Variants in APAF1 observed in about 807,000 individuals in gnomAD.
APAF1 encodes the protein apoptotic protease-activating factor 1.
In APAF1, 91 loss-of-function variants were observed where a neutral mutation model predicts 152.4. The observed-to-expected ratio is 0.60, with a 90% CI of 0.50 to 0.71. The LOEUF (loss-of-function observed/expected upper bound fraction) is 0.71, where lower values mean the gene tolerates loss of function less well. Ranked by LOEUF, APAF1 falls within the 30% of genes least tolerant of loss-of-function variation. The probability of loss-of-function intolerance (pLI) is 0.00; values close to 1 mark genes in which losing one functional copy is unlikely to be tolerated. For synonymous variants in APAF1, 484 were observed against 494.1 expected (o/e 0.98, Z 0.27); for missense variants, 1,283 against 1,472.0 (o/e 0.87, Z 2.10).
At chr12:98,676,707 C>T (rs572989063) in intron 12 of APAF1, among the ~76,000 whole-genome samples, 10 of 143,128 alleles carry the variant, frequency 7.0e-5, no homozygotes, top group South Asian at 4.6e-4. Context: ...AGTGCAGTGG[C>T]GCGATCTTGG....
rs1296433371 is a variant in APAF1, at chr12:98,648,304, G to A, written c.-41-15G>A. 2 of 1,595,978 alleles carry A rather than the reference G, an allele frequency of 1.3e-6. No individual in the cohort carries two copies. The highest frequency in any genetic ancestry group is 1.7e-6 in the Non-Finnish European group (2 of 1,164,306). On this transcript the variant is annotated splice_polypyrimidine_tract_variant and intron_variant, in intron 1 of 26. Transcript: ENST00000551964. ...TTTTATTGGCCTGACAAATATTTTG[G>A]TGTTTTGGCTGTAGCTCATGGTTGA... is the stretch of plus-strand genomic sequence containing the variant.
chr12:98,722,436 A>G (rs950984987), intron 22 of APAF1, among the ~76,000 whole-genome samples: 1 of 152,212 alleles, frequency 6.6e-6, no homozygotes, highest in East Asian at 1.9e-4. Flanking sequence ...CATTTATTAA[A>G]TAAGTTAATT....
intron 16 of APAF1, among the ~76,000 whole-genome samples, 155 bp downstream of exon 16, chr12:98,687,028 C>G (rs143989803): frequency 6.6e-6 from 1 of 152,158 alleles, no homozygotes; most frequent in Non-Finnish European, 1.5e-5. Context: ...AATTGCTTAT[C>G]GTAATGATTG....
intron 10 of APAF1, among the ~76,000 whole-genome samples, chr12:98,668,079 T>C (rs73374774): frequency 0.021 from 3,265 of 152,248 alleles, 119 homozygotes; most frequent in African/African-American, 0.075. Flanking sequence ...CCACCGCGGC[T>C]GGCTGAAGAT....
At chr12:98,675,843 T>C (rs1373552982) in intron 12 of APAF1, among the ~76,000 whole-genome samples, 1 of 152,264 alleles carries the variant, frequency 6.6e-6, no homozygotes, top group Non-Finnish European at 1.5e-5. Flanking sequence ...AGGATCTAAA[T>C]ATGATTTACC....
chr12:98,665,266 ATATATATATATAT>A (rs2097670780), intron 7 of APAF1, among the ~76,000 whole-genome samples: 1 of 100,534 alleles, frequency 9.9e-6, no homozygotes, highest in Non-Finnish European at 2.1e-5. Context: ...ATATATATAT[ATATATATATATAT>A]TTTTTTTTTT....
At chr12:98,647,636 C>T (rs527879137) in intron 1 of APAF1, among the ~76,000 whole-genome samples, 2 of 151,480 alleles carry the variant, frequency 1.3e-5, no homozygotes, top group South Asian at 4.2e-4. Flanking sequence ...TCCCAAAGTG[C>T]TGGGATTACA....
rs777017529 is a variant in APAF1, at chr12:98,665,710, T to C, written c.1113T>C (p.Ser371=). ...YEALDEAMSI[S]VEMLREDIKD... ...CTCTAGATGAAGCCATGTCTATAAG[T>C]GTTGAAATGCTCAGAGAAGACATCA... is the stretch of plus-strand genomic sequence containing the variant. Residue 371 remains serine (S), a synonymous_variant, in exon 8 of 27, where the codon AGT becomes AGC. Transcript: ENST00000551964. 5.0e-6 allele frequency: 8 copies of C among 1,614,088 alleles called. No homozygotes were observed. Among genetic ancestry groups the C allele is most frequent in the Non-Finnish European group, 3.4e-6 (4 of 1,179,996 alleles).
chr12:98,726,479 G>A (rs2097750778), intron 25 of APAF1: 1 of 152,928 alleles, frequency 6.5e-6, no homozygotes, highest in South Asian at 2.1e-4. Flanking sequence ...CAGAAGACTA[G>A]GAGAGTATAC....
At chr12:98,672,513 T>C (rs1321071462) in intron 12 of APAF1, among the ~76,000 whole-genome samples, 3 of 151,736 alleles carry the variant, frequency 2.0e-5, no homozygotes, top group African/African-American at 7.3e-5. Context: ...ATTTGCACTT[T>C]CCTTTGCACA....
At chr12:98,713,605 A>G (rs1565889717) in intron 21 of APAF1, among the ~76,000 whole-genome samples, 2 of 152,264 alleles carry the variant, frequency 1.3e-5, no homozygotes, top group African/African-American at 4.8e-5. Context: ...CATTTTGGGT[A>G]AAAATATTGT....
At chr12:98,665,844 A>G in intron 8 of APAF1, 53 bp downstream of exon 8, 2 of 1,406,886 alleles carry the variant, frequency 1.4e-6, no homozygotes, top group South Asian at 2.3e-5. Context: ...GTAAGCTTTG[A>G]TATAGTACTG....
In APAF1 at chr12:98,665,725, A is replaced by G; in HGVS notation, c.1128A>G (p.Arg376=). ...TGTCTATAAGTGTTGAAATGCTCAG[A>G]GAAGACATCAAAGATTATTACACAG... The part of the protein sequence containing the change: ...EAMSISVEML[R]EDIKDYYTDL... Residue 376 remains arginine, a synonymous_variant, in exon 8 of 27, where the codon AGA becomes AGG. Transcript: ENST00000551964. The G allele has an allele frequency of 6.2e-7, 1 of 1,614,148 alleles. No homozygotes were observed. Among genetic ancestry groups the G allele is most frequent in the Non-Finnish European group, 8.5e-7 (1 of 1,179,998 alleles).
intron 12 of APAF1, among the ~76,000 whole-genome samples, chr12:98,673,442 C>CA (rs1162049645): frequency 0.16 from 14,080 of 88,814 alleles, 765 homozygotes; most frequent in East Asian, 0.32. Context: ...TCTCAAAAAA[C>CA]AAAAAAAAAA....
Position 98,671,682 on chromosome 12 carries a change from C to T in APAF1, c.1756C>T (p.Gln586Ter). The change falls in exon 12 of 27, where the codon CAG (glutamine) becomes TAG (stop). Residue 586 changes from glutamine to a stop codon, truncating the protein, a stop_gained. Coordinates refer to ENST00000551964, the MANE Select transcript of APAF1 (RefSeq NM_181861.2). LOFTEE classifies it high-confidence loss of function. Reference sequence around the variant, plus strand: ...TCAGCAAGCTAAGCTGCAGGCCAAGCAGGAGGTCGATAATGGAATGCTTTA... The same window carrying T: ...TCAGCAAGCTAAGCTGCAGGCCAAGTAGGAGGTCGATAATGGAATGCTTTA... Reference protein sequence around the residue: ...VYQQAKLQAKQEVDNGMLYLE... With the variant: ...VYQQAKLQAK 6.2e-7 allele frequency: 1 copy of T among 1,613,916 alleles called. No individual in the cohort carries two copies. The highest frequency in any genetic ancestry group is 8.5e-7 in the Non-Finnish European group (1 of 1,179,990).
At chr12:98,717,373 AT>A (rs897675783) in intron 22 of APAF1, among the ~76,000 whole-genome samples, 2 of 149,190 alleles carry the variant, frequency 1.3e-5, no homozygotes, top group South Asian at 2.1e-4. Flanking sequence ...CACACATATA[AT>A]TTTTTTTTGT....
At chr12:98,722,594 T>A (rs2097744522) in intron 22 of APAF1, among the ~76,000 whole-genome samples, 1 of 152,210 alleles carries the variant, frequency 6.6e-6, no homozygotes, top group South Asian at 2.1e-4. Context: ...GTTACTCATG[T>A]TATTTCATTC....
chr12:98,654,856 A>G (rs1251881669), intron 4 of APAF1, among the ~76,000 whole-genome samples: 4 of 106,674 alleles, frequency 3.7e-5, no homozygotes, highest in Non-Finnish European at 5.7e-5. Flanking sequence ...TTTATTGATA[A>G]TTCTTGGGTG....
chr12:98,671,660 G>A lies in APAF1; in HGVS notation c.1734G>A (p.Gln578=), dbSNP rs777529217. The change falls in exon 12 of 27, where the codon CAG becomes CAA. Residue 578 remains glutamine (Q), a synonymous_variant. Transcript: ENST00000551964. ...LCEPETSEVY[Q]QAKLQAKQEV... The stretch of plus-strand genomic sequence containing the variant: ...AGCCGGAAACTTCAGAAGTTTATCA[G>A]CAAGCTAAGCTGCAGGCCAAGCAGG... 7 of 1,613,894 alleles carry A rather than the reference G, an allele frequency of 4.3e-6. No homozygotes were observed. In the South Asian group the frequency reaches 6.6e-5, roughly 15 times the overall value.
Sources: gnomAD v4.1 joint callset for allele counts (sites outside exome capture counted in the v4.1 genomes callset) on GRCh38, gnomAD v4.1.1 for gene constraint, MANE v1.5 for transcripts, NCBI Gene and HGNC (gene_info 2026-07-23, HGNC 2026-07-21) for gene names.